PRPF18: variants seen among roughly 807,000 people sequenced by gnomAD.
PRPF18 encodes the protein pre-mRNA-splicing factor 18.
A neutral mutation model predicts 46.5 loss-of-function variants in PRPF18; 38 were observed. That is an observed-to-expected ratio of 0.82 (90% CI 0.63 to 1.07). The LOEUF (loss-of-function observed/expected upper bound fraction) is 1.07. Among genes scored for constraint, PRPF18 ranks in the 50% least tolerant of loss-of-function variants. The pLI, the probability that PRPF18 is intolerant of heterozygous loss-of-function variation, is 0.00. For missense variants in PRPF18, 263 were observed against 410.0 expected, an observed-to-expected ratio of 0.64 and a Z score of 3.10; for synonymous variants, 152 against 146.7, an observed-to-expected ratio of 1.04 and a Z score of -0.26.
At chr10:13,654,441 G>T in the PRPF18 span, 1 of 1,612,080 alleles carries the variant, frequency 6.2e-7, no homozygotes, top group African/African-American at 1.3e-5. Flanking sequence ...AGGATGTGGT[G>T]GGGGCTGCTT....
At chr10:13,618,321 G>A (rs1048121696) in intron 9 of PRPF18, among the ~76,000 whole-genome samples, 1 of 152,006 alleles carries the variant, frequency 6.6e-6, no homozygotes, top group Non-Finnish European at 1.5e-5. Flanking sequence ...TATAATTTGG[G>A]CAGTGGATAT....
the PRPF18 span, chr10:13,637,880 A>T: frequency 6.6e-6 from 1 of 152,200 alleles, no homozygotes; most frequent in Non-Finnish European, 1.5e-5. Flanking sequence ...TTCATTTCAG[A>T]TATGGCTGTT....
chr10:13,651,545 T>G, the PRPF18 span: 6 of 206,082 alleles, frequency 2.9e-5, no homozygotes, highest in Non-Finnish European at 5.9e-5. Context: ...ATACAAAAAT[T>G]AGCCACGCAT....
intron 1 of PRPF18, among the ~76,000 whole-genome samples, chr10:13,593,022 G>T (rs915100109): frequency 2.0e-5 from 3 of 152,256 alleles, no homozygotes; most frequent in South Asian, 2.1e-4. Context: ...TGGAAGGAAA[G>T]ATATTTTCAG....
intron 1 of PRPF18, 189 bp downstream of exon 1, chr10:13,587,341 G>A (rs2079889454): frequency 1.6e-6 from 1 of 638,534 alleles, no homozygotes; most frequent in Admixed American, 2.8e-5. Context: ...CTGGAGAATA[G>A]GGTCTGAGAG....
intron 5 of PRPF18, 128 bp downstream of exon 5, chr10:13,610,313 T>TCGCTTTTATTTATTTACTCCC: frequency 9.4e-7 from 1 of 1,060,236 alleles, no homozygotes; most frequent in South Asian, 2.6e-5. Context: ...TATTTACTCC[T>TCGCTTTTATTTATTTACTCCC]CGCTTTTATT....
chr10:13,616,547 T>C lies in PRPF18; in HGVS notation c.942T>C (p.Tyr314=), dbSNP rs2080343418. Residue 314 remains tyrosine, a synonymous_variant, in exon 9 of 10, where the codon TAT becomes TAC. Coordinates refer to ENST00000378572, the MANE Select transcript of PRPF18 (RefSeq NM_003675.4). The part of the protein sequence containing the change: ...HVLNDETQRK[Y]IQGLKRLMTI... The stretch of plus-strand genomic sequence containing the variant: ...TAAATGACGAAACTCAGCGGAAATA[T>C]ATTCAGGTAAGCAGTTTGGAGAGCC... The C allele has an allele frequency of 1.9e-6, 3 of 1,613,920 alleles. No individual in the cohort carries two copies. Among genetic ancestry groups the C allele is most frequent in the African/African-American group, 1.3e-5 (1 of 74,918 alleles).
chr10:13,612,677 G>C (rs11816983), intron 6 of PRPF18, among the ~76,000 whole-genome samples: 1 of 139,328 alleles, frequency 7.2e-6, no homozygotes, highest in Admixed American at 7.7e-5. Flanking sequence ...CTGTTGCCTA[G>C]GCTGGAGTGC....
At chr10:13,626,511 G>T (rs541541029) in intron 9 of PRPF18, among the ~76,000 whole-genome samples, 2 of 152,310 alleles carry the variant, frequency 1.3e-5, no homozygotes, top group Admixed American at 1.3e-4. Flanking sequence ...TAAAAATGTG[G>T]TTTGGGGAGG....
chr10:13,606,914 A>T (rs1475005570), intron 4 of PRPF18, among the ~76,000 whole-genome samples: 1 of 152,182 alleles, frequency 6.6e-6, no homozygotes, highest in African/African-American at 2.4e-5. Flanking sequence ...AAGAAATGCC[A>T]GTCATTTCCA....
At chr10:13,597,256 C>T (rs1334127384) in intron 1 of PRPF18, among the ~76,000 whole-genome samples, 1 of 152,152 alleles carries the variant, frequency 6.6e-6, no homozygotes, top group Non-Finnish European at 1.5e-5. Flanking sequence ...TACCACATAT[C>T]GGTGCCCATA....
Position 13,597,481 on chromosome 10 carries a change from T to A in PRPF18, c.90T>A (p.Arg30=). The A allele has an allele frequency of 6.2e-7, 1 of 1,608,482 alleles. No individual in the cohort carries two copies. Among genetic ancestry groups the A allele is most frequent in the Non-Finnish European group, 8.5e-7 (1 of 1,177,422 alleles). Residue 30 remains arginine (R), a synonymous_variant, in exon 2 of 10, where the codon CGT becomes CGA. Coordinates refer to ENST00000378572, the MANE Select transcript of PRPF18 (RefSeq NM_003675.4). ...LLVENKKYFK[R]SELAKKEEEA... ...AGGAAAATAAAAAATATTTCAAGCG[T>A]AGTGAGCTCGCCAAAAAAGAAGAGG... is the stretch of plus-strand genomic sequence containing the variant.
chr10:13,627,072 C>G (rs1351331097), intron 9 of PRPF18, among the ~76,000 whole-genome samples: 1 of 152,144 alleles, frequency 6.6e-6, no homozygotes, highest in Non-Finnish European at 1.5e-5. Flanking sequence ...ATTCCCCAGA[C>G]TGATCCAGTT....
chr10:13,591,340 T>C (rs1397362797), intron 1 of PRPF18: 1 of 387,022 alleles, frequency 2.6e-6, no homozygotes, highest in African/African-American at 2.1e-5. Context: ...ATTGATCTGA[T>C]ATGTATGTGA....
chr10:13,622,296 A>G (rs2080431626), intron 9 of PRPF18, among the ~76,000 whole-genome samples: 1 of 152,232 alleles, frequency 6.6e-6, no homozygotes, highest in South Asian at 2.1e-4. Context: ...TTTTAATGTC[A>G]TAGAACACTA....
At chr10:13,594,330 A>C (rs2080005073) in intron 1 of PRPF18, among the ~76,000 whole-genome samples, 1 of 152,220 alleles carries the variant, frequency 6.6e-6, no homozygotes, top group Non-Finnish European at 1.5e-5. Flanking sequence ...GTTGTTTTCA[A>C]GTACACGAAG....
At chr10:13,632,349 C>A (rs574007405), downstream of PRPF18, among the ~76,000 whole-genome samples, 2 of 151,432 alleles carry the variant, frequency 1.3e-5, no homozygotes, top group African/African-American at 2.4e-5. Flanking sequence ...CCCTCCCCCC[C>A]GCAAAAAAAA....
In PRPF18 at chr10:13,630,246, C is replaced by T; in HGVS notation, c.949-14C>T. On this transcript the variant is annotated splice_polypyrimidine_tract_variant and intron_variant, in intron 9 of 9. Transcript: ENST00000378572. ...CCATGTCATAACCAACCTTTGTTTTCCTTATTTTCTTAGGGATTGAAGAGG... is the reference window on the plus strand; with the variant it reads ...CCATGTCATAACCAACCTTTGTTTTTCTTATTTTCTTAGGGATTGAAGAGG... 1 of 1,592,868 alleles carries T rather than the reference C, an allele frequency of 6.3e-7. No individual in the cohort carries two copies.
At chr10:13,637,243 CAA>C in the PRPF18 span, 3 of 152,138 alleles carry the variant, frequency 2.0e-5, no homozygotes, top group Non-Finnish European at 4.4e-5. Flanking sequence ...GAGTTATTGT[CAA>C]AGAGTTTTCC....
Sources: gnomAD v4.1 joint callset for allele counts (sites outside exome capture counted in the v4.1 genomes callset) on GRCh38, gnomAD v4.1.1 for gene constraint, MANE v1.5 for transcripts, NCBI Gene and HGNC (gene_info 2026-07-23, HGNC 2026-07-21) for gene names.